ZNF236: variants seen among roughly 807,000 people sequenced by gnomAD.
ZNF236 encodes zinc finger protein 236, also known as regulated by glucose.
In ZNF236, 50 loss-of-function variants were observed where a neutral mutation model predicts 191.2. That is an observed-to-expected ratio of 0.26 (90% CI 0.21 to 0.33). The LOEUF (loss-of-function observed/expected upper bound fraction) is 0.33, where lower values mean the gene tolerates loss of function less well. Among genes scored for constraint, ZNF236 ranks in the 10% least tolerant of loss-of-function variants. ZNF236 has a pLI of 1.00. For missense variants in ZNF236, 1,754 were observed against 2,374.5 expected, an observed-to-expected ratio of 0.74 and a Z score of 5.43; for synonymous variants, 907 against 928.8, an observed-to-expected ratio of 0.98 and a Z score of 0.43.
intron 9 of ZNF236, among the ~76,000 whole-genome samples, chr18:76,893,700 A>G (rs1977315356): frequency 6.6e-6 from 1 of 152,136 alleles, no homozygotes; most frequent in Non-Finnish European, 1.5e-5. Context: ...TTCTCAAGAG[A>G]TGGAATTTTG....
intron 19 of ZNF236, among the ~76,000 whole-genome samples, chr18:76,918,897 GA>G (rs997513616): frequency 1.3e-4 from 19 of 151,972 alleles, no homozygotes; most frequent in African/African-American, 4.1e-4. Context: ...ATAATAACAA[GA>G]AAAAAAGGAT....
In ZNF236 at chr18:76,913,629, G is replaced by A; in HGVS notation, c.2910-118G>A. 5.9e-6 allele frequency: 6 copies of A among 1,025,238 alleles called. No homozygotes were observed. In the East Asian group the frequency reaches 1.0e-4, roughly 17 times the overall value. The allele number at this position is 1,025,238 out of a possible 1,614,324, so 63.5% of individuals were successfully genotyped here. On this transcript the variant is annotated intron_variant, in intron 17 of 30. Transcript: ENST00000320610. ...CACACCTAGGTTCTATAACAGTTGT[G>A]CCTAAATGTTTCATGGTTGTTGGTG...
chr18:76,960,057 C>T lies in ZNF236; in HGVS notation c.5242+241C>T, dbSNP rs1436853247. ...AAACAGAAGCATCAGGCAAGCCTCC[C>T]GTGCCGTGTCTGGGATGTTGACCAT... On this transcript the variant is annotated intron_variant, in intron 29 of 30. Transcript: ENST00000320610. This position sits in a 1 kb window ranked among gnomAD's most constrained non-coding sequence, Gnocchi z 4.4. Among the ~76,000 whole-genome samples, 4 of 152,192 alleles carry T rather than the reference C, an allele frequency of 2.6e-5. No homozygotes were observed. Among genetic ancestry groups the T allele is most frequent in the Non-Finnish European group, 5.9e-5 (4 of 68,030 alleles).
At chr18:76,917,360 T>C (rs554507992) in intron 19 of ZNF236, among the ~76,000 whole-genome samples, 1 of 152,246 alleles carries the variant, frequency 6.6e-6, no homozygotes, top group Non-Finnish European at 1.5e-5. Flanking sequence ...TCTAAGCCGC[T>C]TTACATATTC....
rs146543783 is a variant in ZNF236 at position 76,960,962 on chromosome 18, G to T, written c.5419+107G>T. ...TTCACACAGTGATTTTGCATTGCAC[G>T]TGGTACAGCCTCAGTTGTGTGGACT... On this transcript the variant is annotated intron_variant, in intron 30 of 30. Transcript: ENST00000320610. The surrounding 1 kb of genome is among the most constrained non-coding windows in gnomAD (Gnocchi z 4.4). 2 of 1,243,138 alleles carry T rather than the reference G, an allele frequency of 1.6e-6. No individual in the cohort carries two copies. The highest frequency in any genetic ancestry group is 1.5e-5 in the African/African-American group (1 of 66,246). The allele number at this position is 1,243,138 out of a possible 1,614,324, so 77.0% of individuals were successfully genotyped here. A position where few individuals can be genotyped will look rare whatever the true frequency, so the allele number is the denominator to read the frequency against.
At chr18:76,857,542 A>T (rs1312991453) in intron 3 of ZNF236, among the ~76,000 whole-genome samples, 7 of 152,184 alleles carry the variant, frequency 4.6e-5, no homozygotes, top group Non-Finnish European at 1.0e-4. Flanking sequence ...CAAAAGACAC[A>T]GTGCAAAGCA....
chr18:76,941,233 G>A (rs1278847238), intron 26 of ZNF236, among the ~76,000 whole-genome samples: 1 of 152,164 alleles, frequency 6.6e-6, no homozygotes, highest in African/African-American at 2.4e-5. Flanking sequence ...TTTGGTGGCA[G>A]TGATGACCCT....
At chr18:76,926,250 C>A (rs1027270509) in intron 22 of ZNF236, among the ~76,000 whole-genome samples, 1 of 150,986 alleles carries the variant, frequency 6.6e-6, no homozygotes, top group East Asian at 2.0e-4. Flanking sequence ...AGTTGCTCTG[C>A]GGTGATTAGA....
At chr18:76,909,441 T>A (rs574941906) in intron 14 of ZNF236, among the ~76,000 whole-genome samples, 9 of 152,296 alleles carry the variant, frequency 5.9e-5, no homozygotes, top group African/African-American at 2.2e-4. Context: ...TTTAGTATTC[T>A]ATAAAGTACA....
At chr18:76,963,856 G>A (rs781473051) in intron 30 of ZNF236, among the ~76,000 whole-genome samples, 9 of 152,122 alleles carry the variant, frequency 5.9e-5, no homozygotes, top group Non-Finnish European at 1.3e-4. Flanking sequence ...TAGTTTATAT[G>A]TGTAAAGGTG....
chr18:76,893,552 G>C (rs950426385), intron 9 of ZNF236, among the ~76,000 whole-genome samples: 6 of 152,040 alleles, frequency 3.9e-5, no homozygotes, highest in African/African-American at 1.2e-4. Flanking sequence ...CTGTCGCCCA[G>C]GCTGGAGTGC....
intron 13 of ZNF236, among the ~76,000 whole-genome samples, chr18:76,906,468 G>A (rs189863712): frequency 1.2e-4 from 19 of 152,288 alleles, no homozygotes; most frequent in African/African-American, 3.9e-4. Flanking sequence ...GTTCCTGCTC[G>A]CTGTAGCAGG....
chr18:76,848,377 T>C (rs1975761981), intron 1 of ZNF236, among the ~76,000 whole-genome samples: 2 of 152,216 alleles, frequency 1.3e-5, no homozygotes, highest in Admixed American at 6.5e-5. Context: ...GGTCTTCACA[T>C]AGCAAAGTAT....
Position 76,895,016 on chromosome 18 carries a change from C to T in ZNF236, c.1421C>T (p.Ser474Phe), listed in dbSNP as rs1217801083. 1 of 1,608,672 alleles carries T rather than the reference C, an allele frequency of 6.2e-7. No homozygotes were observed. The change falls in exon 10 of 31, where the codon TCC (serine) becomes TTC (phenylalanine). Residue 474 changes from serine (S) to phenylalanine (F), a missense_variant. Physicochemically the swap from Ser to Phe is radical, Grantham distance 155. Around this residue, in one of 5 missense-constraint regions of ZNF236, gnomAD observed 126 missense variants for 110.9 expected, o/e 1.14. Coordinates refer to ENST00000320610, the MANE Select transcript of ZNF236 (RefSeq NM_001306089.2). ...IKKKSPFLPG[S>F]IREENGVRWH... Reference sequence around the variant, plus strand: ...GACGTGTCCTCTCCCTTCACAGGCTCCATCCGCGAGGAGAACGGCGTGCGC... The same window carrying T: ...GACGTGTCCTCTCCCTTCACAGGCTTCATCCGCGAGGAGAACGGCGTGCGC...
intron 10 of ZNF236, among the ~76,000 whole-genome samples, chr18:76,895,985 G>T (rs566394007): frequency 6.6e-6 from 1 of 151,320 alleles, no homozygotes; most frequent in South Asian, 2.1e-4. Context: ...CTGCAGCCAC[G>T]TGGGCACTGG....
At chr18:76,882,067 C>T (rs566014109) in intron 9 of ZNF236, among the ~76,000 whole-genome samples, 3 of 152,328 alleles carry the variant, frequency 2.0e-5, no homozygotes, top group African/African-American at 7.2e-5. Context: ...CATCCGCCCT[C>T]CCTCTGTGCT....
chr18:76,925,664 C>T lies in ZNF236; in HGVS notation c.4027+110C>T. The T allele has an allele frequency of 7.1e-7, 1 of 1,411,006 alleles. No homozygotes were observed. Among genetic ancestry groups the T allele is most frequent in the Non-Finnish European group, 9.4e-7 (1 of 1,067,490 alleles). The allele number at this position is 1,411,006 out of a possible 1,614,324, so 87.4% of individuals were successfully genotyped here. A position where few individuals can be genotyped will look rare whatever the true frequency, so the allele number is the denominator to read the frequency against. The stretch of plus-strand genomic sequence containing the variant: ...TGTTGTTTACCGTAGCACCACGTTT[C>T]CCTTCTTTGAGCCTTTTCCTTATAA... On this transcript the variant is annotated intron_variant, in intron 22 of 30. Coordinates refer to ENST00000320610, the MANE Select transcript of ZNF236 (RefSeq NM_001306089.2). The surrounding 1 kb of genome is among the most constrained non-coding windows in gnomAD (Gnocchi z 5.7).
rs1968867169 is a variant in ZNF236, at chr18:76,969,456, G to A, written c.*1117G>A. ...TAAATACATATGTACATAGATATATGGGCCTCTGTGTGGCTGAACAGTATA... is the reference window on the plus strand; with the variant it reads ...TAAATACATATGTACATAGATATATAGGCCTCTGTGTGGCTGAACAGTATA... On this transcript the variant is annotated 3_prime_UTR_variant, in exon 31 of 31. Transcript: ENST00000320610. 6.6e-6 allele frequency: 1 copy of A among 152,442 alleles called. No homozygotes were observed. Among genetic ancestry groups the A allele is most frequent in the Non-Finnish European group, 1.5e-5 (1 of 68,012 alleles). 9.4% of individuals were successfully genotyped at this position (152,442 alleles called of 1,614,324 possible). A position where few individuals can be genotyped will look rare whatever the true frequency, so the allele number is the denominator to read the frequency against.
At chr18:76,913,622 C>A in intron 17 of ZNF236, 125 bp from the exon 18 acceptor site, 1 of 937,458 alleles carries the variant, frequency 1.1e-6, no homozygotes, top group Non-Finnish European at 1.6e-6. Context: ...GGTTCTATAA[C>A]AGTTGTGCCT....
Sources: gnomAD v4.1 joint callset for allele counts (sites outside exome capture counted in the v4.1 genomes callset) on GRCh38, gnomAD v4.1.1 for gene constraint, gnomAD v4.1.1 regional missense constraint, Gnocchi (gnomAD v3.1) non-coding constraint, MANE v1.5 for transcripts, NCBI Gene and HGNC (gene_info 2026-07-23, HGNC 2026-07-21) for gene names.